Variants in ABTB3 observed in about 807,000 individuals in gnomAD.
ABTB3 encodes the protein ankyrin repeat and BTB domain containing 3.
the ABTB3 span, chr12:107,619,944 C>A: frequency 2.0e-6 from 3 of 1,530,868 alleles, no homozygotes; most frequent in Non-Finnish European, 1.8e-6. Flanking sequence ...CCTCTCTCTC[C>A]CCCTCCCCTG....
the ABTB3 span, among the ~76,000 whole-genome samples, chr12:107,335,392 G>A: frequency 7.1e-6 from 1 of 140,176 alleles, no homozygotes; most frequent in Non-Finnish European, 1.5e-5. Context: ...TATTTGTGAT[G>A]TTTTCCTAAG....
At chr12:107,455,486 G>C in the ABTB3 span, among the ~76,000 whole-genome samples, 1 of 151,932 alleles carries the variant, frequency 6.6e-6, no homozygotes, top group Non-Finnish European at 1.5e-5. Context: ...GCTCCTGAAG[G>C]TTGTGAGCAG....
At chr12:107,562,622 A>G in the ABTB3 span, among the ~76,000 whole-genome samples, 2 of 152,210 alleles carry the variant, frequency 1.3e-5, no homozygotes, top group East Asian at 3.8e-4. Context: ...TTTCTATTCC[A>G]TATGTGACAA....
At chr12:107,480,091 C>G in the ABTB3 span, among the ~76,000 whole-genome samples, 1 of 152,128 alleles carries the variant, frequency 6.6e-6, no homozygotes, top group Admixed American at 6.5e-5. Flanking sequence ...GACTTTGAGC[C>G]AGGCCTTAAA....
the ABTB3 span, chr12:107,520,629 C>T: frequency 1.7e-5 from 27 of 1,614,004 alleles, no homozygotes; most frequent in African/African-American, 9.3e-5. Context: ...GCAGCATCGC[C>T]GAATTGAGTA....
the ABTB3 span, among the ~76,000 whole-genome samples, chr12:107,370,062 T>G: frequency 6.6e-6 from 1 of 152,198 alleles, no homozygotes; most frequent in African/African-American, 2.4e-5. Flanking sequence ...TGCTAGAATA[T>G]ATGTAAAAGC....
the ABTB3 span, among the ~76,000 whole-genome samples, chr12:107,393,812 C>G: frequency 6.6e-6 from 1 of 152,110 alleles, no homozygotes; most frequent in Non-Finnish European, 1.5e-5. Context: ...CGCCTGTAGT[C>G]CCAGCTACTC....
the ABTB3 span, among the ~76,000 whole-genome samples, chr12:107,576,817 C>T: frequency 2.6e-5 from 4 of 152,246 alleles, no homozygotes; most frequent in East Asian, 5.8e-4. Context: ...ATCTTTTAAT[C>T]TACTACCTCT....
chr12:107,493,813 T>C, the ABTB3 span, among the ~76,000 whole-genome samples: 1 of 152,242 alleles, frequency 6.6e-6, no homozygotes, highest in East Asian at 1.9e-4. Flanking sequence ...GCTTCTACAA[T>C]ACAACCAGGA....
chr12:107,413,819 A>G, the ABTB3 span, among the ~76,000 whole-genome samples: 2 of 152,214 alleles, frequency 1.3e-5, no homozygotes, highest in Non-Finnish European at 2.9e-5. Context: ...ATCATTTGTA[A>G]AACTCCCCAG....
At chr12:107,642,699 G>A in the ABTB3 span, among the ~76,000 whole-genome samples, 6 of 152,142 alleles carry the variant, frequency 3.9e-5, no homozygotes, top group South Asian at 2.1e-4. Context: ...TGAGCTCAGC[G>A]TCATCAGGAG....
the ABTB3 span, among the ~76,000 whole-genome samples, chr12:107,447,915 G>A: frequency 6.6e-6 from 1 of 152,192 alleles, no homozygotes; most frequent in South Asian, 2.1e-4. Flanking sequence ...TAGGCCCGAG[G>A]GGTCCCAGGA....
chr12:107,578,383 C>CTT, the ABTB3 span, among the ~76,000 whole-genome samples: 101 of 57,134 alleles, frequency 1.8e-3, 1 homozygote, highest in African/African-American at 4.5e-3. Context: ...CTTTCTTCTT[C>CTT]TTTTTTTTTT....
At chr12:107,626,221 C>A in the ABTB3 span, among the ~76,000 whole-genome samples, 3 of 152,052 alleles carry the variant, frequency 2.0e-5, no homozygotes, top group South Asian at 2.1e-4. Context: ...TATGTAATGT[C>A]CAGAGTTTTT....
the ABTB3 span, among the ~76,000 whole-genome samples, chr12:107,560,223 C>T: frequency 1.3e-5 from 2 of 152,076 alleles, no homozygotes; most frequent in African/African-American, 4.8e-5. Flanking sequence ...TTCCAGTGTG[C>T]GAATTACTGT....
At chr12:107,488,748 A>G in the ABTB3 span, among the ~76,000 whole-genome samples, 3 of 151,878 alleles carry the variant, frequency 2.0e-5, no homozygotes, top group South Asian at 6.2e-4. Context: ...GTACATTCAT[A>G]TCATTGTGCA....
At chr12:107,640,822 A>G in the ABTB3 span, among the ~76,000 whole-genome samples, 1 of 152,238 alleles carries the variant, frequency 6.6e-6, no homozygotes, top group Admixed American at 6.5e-5. Context: ...AACAGACAGT[A>G]GTATCATGTA....
the ABTB3 span, among the ~76,000 whole-genome samples, chr12:107,575,647 T>C: frequency 3.5e-4 from 53 of 152,296 alleles, 1 homozygote; most frequent in East Asian, 9.5e-3. Flanking sequence ...CTGCCTGCAT[T>C]ACCTAGCTCA....
chr12:107,401,862 G>GT, the ABTB3 span, among the ~76,000 whole-genome samples: 1 of 148,128 alleles, frequency 6.8e-6, no homozygotes, highest in Non-Finnish European at 1.5e-5. Context: ...TGTGTGTAGA[G>GT]TTTTTTACCC....
Sources: allele counts gnomAD v4.1 joint callset (sites outside exome capture counted in the v4.1 genomes callset), GRCh38; gene constraint gnomAD v4.1.1; transcripts MANE v1.5; gene names NCBI Gene and HGNC (gene_info 2026-07-23, HGNC 2026-07-21).